PLAG1: variants seen among roughly 807,000 people sequenced by gnomAD.
PLAG1 encodes PLAG1 zinc finger.
Under a neutral mutation model 35.5 loss-of-function variants are expected in PLAG1, and 7 were observed. That is an observed-to-expected ratio of 0.20 (90% CI 0.11 to 0.37). The LOEUF (loss-of-function observed/expected upper bound fraction) is 0.37. Among genes scored for constraint, PLAG1 ranks in the 10% least tolerant of loss-of-function variants. The probability of loss-of-function intolerance (pLI) is 1.00; values close to 1 mark genes in which losing one functional copy is unlikely to be tolerated. For missense variants in PLAG1, 454 were observed against 602.8 expected, an observed-to-expected ratio of 0.75 and a Z score of 2.58; for synonymous variants, 229 against 225.4, an observed-to-expected ratio of 1.02 and a Z score of -0.14.
intron 1 of PLAG1, among the ~76,000 whole-genome samples, chr8:56,207,878 C>CT: frequency 6.6e-6 from 1 of 152,168 alleles, no homozygotes; most frequent in East Asian, 1.9e-4. Context: ...TTGGTGCACT[C>CT]TGAGTGCGTT....
chr8:56,177,076 A>T (rs1418289121), intron 2 of PLAG1, among the ~76,000 whole-genome samples: 1 of 152,090 alleles, frequency 6.6e-6, no homozygotes, highest in Non-Finnish European at 1.5e-5. Context: ...CTATAAATAT[A>T]AGTTGTACTT....
At chr8:56,210,645 G>A (rs966778558) in intron 1 of PLAG1, among the ~76,000 whole-genome samples, 44 of 152,250 alleles carry the variant, frequency 2.9e-4, no homozygotes, top group Admixed American at 9.8e-4. Context: ...TGTTTTGGTG[G>A]AAAATGCGGA....
At chr8:56,184,268 A>G (rs1264879930) in intron 1 of PLAG1, among the ~76,000 whole-genome samples, 1 of 152,208 alleles carries the variant, frequency 6.6e-6, no homozygotes, top group Non-Finnish European at 1.5e-5. Context: ...GCAAATTAAT[A>G]CCACAGTGAG....
intron 2 of PLAG1, among the ~76,000 whole-genome samples, chr8:56,176,048 T>TTC (rs1554534200): frequency 2.7e-5 from 4 of 145,846 alleles, no homozygotes; most frequent in African/African-American, 7.5e-5. Context: ...TTCCTTTTCT[T>TTC]TTTTTTTTTT....
Position 56,168,401 on chromosome 8 carries a change from A to G in PLAG1, c.-117-15T>C. 7 of 1,230,920 alleles carry G rather than the reference A, an allele frequency of 5.7e-6. No homozygotes were observed. Among genetic ancestry groups the G allele is most frequent in the Non-Finnish European group, 7.5e-6 (7 of 934,954 alleles). 76.2% of individuals were successfully genotyped at this position (1,230,920 alleles called of 1,614,324 possible). Reference sequence around the variant, plus strand: ...GCAAAAAGGGACTGGAAAAAAAAATAAGAAACAACTAGTTTGTAACTAAAC... The same window carrying G: ...GCAAAAAGGGACTGGAAAAAAAAATGAGAAACAACTAGTTTGTAACTAAAC... On this transcript the variant is annotated splice_polypyrimidine_tract_variant and intron_variant, in intron 3 of 4. Transcript: ENST00000316981.
At chr8:56,205,409 TAAG>T (rs1812668824) in intron 1 of PLAG1, among the ~76,000 whole-genome samples, 1 of 151,886 alleles carries the variant, frequency 6.6e-6, no homozygotes, top group South Asian at 2.1e-4. Context: ...AATTCAAATC[TAAG>T]AAGAGAAGGA....
chr8:56,175,446 A>C (rs1811656354), intron 2 of PLAG1, among the ~76,000 whole-genome samples: 1 of 152,182 alleles, frequency 6.6e-6, no homozygotes, highest in Non-Finnish European at 1.5e-5. Context: ...ACATGCACCT[A>C]ACTCGCCTGA....
chr8:56,192,473 T>C (rs564692151), intron 1 of PLAG1, among the ~76,000 whole-genome samples: 3 of 152,314 alleles, frequency 2.0e-5, no homozygotes, highest in African/African-American at 7.2e-5. Flanking sequence ...TACAAGTACA[T>C]GGGAAACAAT....
At chr8:56,176,635 AAT>A (rs565428921) in intron 2 of PLAG1, among the ~76,000 whole-genome samples, 137 of 152,088 alleles carry the variant, frequency 9.0e-4, no homozygotes, top group Non-Finnish European at 1.3e-3. Flanking sequence ...CTGCTTAATC[AAT>A]ACTCTATTTT....
At chr8:56,200,175 G>C (rs2129233985) in intron 1 of PLAG1, among the ~76,000 whole-genome samples, 1 of 152,290 alleles carries the variant, frequency 6.6e-6, no homozygotes, top group Non-Finnish European at 1.5e-5. Flanking sequence ...CGCCATTCTT[G>C]GCTCTACAGC....
rs1216825539 is a variant in PLAG1, at chr8:56,162,749, C to T, written c.*3494G>A. On this transcript the variant is annotated 3_prime_UTR_variant, in exon 5 of 5. Transcript: ENST00000316981. ...TGTACTCTTTAACATTCATTATTAG[C>T]TTAATAAAGCAATCGGCTCTGGCTC... The T allele has an allele frequency of 1.4e-5, 3 of 207,948 alleles. No individual in the cohort carries two copies. Among genetic ancestry groups the T allele is most frequent in the African/African-American group, 6.8e-5 (3 of 43,892 alleles). The allele number at this position is 207,948 out of a possible 1,614,324, so 12.9% of individuals were successfully genotyped here. A position where few individuals can be genotyped will look rare whatever the true frequency, so the allele number is the denominator to read the frequency against.
At chr8:56,197,672 C>T (rs1301898702) in intron 1 of PLAG1, among the ~76,000 whole-genome samples, 1 of 152,220 alleles carries the variant, frequency 6.6e-6, no homozygotes, top group Non-Finnish European at 1.5e-5. Flanking sequence ...GTTTCTCTGT[C>T]TGGGATTGTG....
rs376010273 is a variant in PLAG1 at position 56,195,325 on chromosome 8, G to A, written c.-322+15796C>T. 3.9e-5 allele frequency among the ~76,000 whole-genome samples: 6 copies of A among 152,134 alleles called. 1 individual carries two copies. The highest frequency in any genetic ancestry group is 1.2e-4 in the African/African-American group (5 of 41,488). On this transcript the variant is annotated intron_variant, in intron 1 of 4. Coordinates refer to ENST00000316981, the MANE Select transcript of PLAG1 (RefSeq NM_002655.3). ...GGAATCAAGACAATACCCATGTTAG[G>A]GAGCCATTACCAGGATAAATGGCAT...
intron 1 of PLAG1, among the ~76,000 whole-genome samples, chr8:56,190,762 A>G (rs1338216663): frequency 2.0e-5 from 3 of 152,198 alleles, no homozygotes; most frequent in Admixed American, 2.0e-4. Flanking sequence ...TACCCAGGGC[A>G]TAAGAAGAGA....
Position 56,167,533 on chromosome 8 carries a change from T to G in PLAG1, c.243-30A>C, listed in dbSNP as rs1448799082. 7.0e-7 allele frequency: 1 copy of G among 1,438,736 alleles called. No individual in the cohort carries two copies. The allele number at this position is 1,438,736 out of a possible 1,614,324, so 89.1% of individuals were successfully genotyped here. Reference sequence around the variant, plus strand: ...AAACACAGATATAATCTATAAGTAGTTATTATGACAAAAATGGCATGTATT... The same window carrying G: ...AAACACAGATATAATCTATAAGTAGGTATTATGACAAAAATGGCATGTATT... On this transcript the variant is annotated intron_variant, in intron 4 of 4. Transcript: ENST00000316981. This position sits in a 1 kb window ranked among gnomAD's most constrained non-coding sequence, Gnocchi z 5.9.
Position 56,167,360 on chromosome 8 carries a change from T to C in PLAG1, c.386A>G (p.Asn129Ser). 6.2e-7 allele frequency: 1 copy of C among 1,614,078 alleles called. No individual in the cohort carries two copies. Among genetic ancestry groups the C allele is most frequent in the South Asian group, 1.1e-5 (1 of 91,088 alleles). Reference sequence around the variant, plus strand: ...TTTAAATCCAAGCTTGGTATTGTAGTTCTTGCCACATTCTTCGCACTTAAA... The same window carrying C: ...TTTAAATCCAAGCTTGGTATTGTAGCTCTTGCCACATTCTTCGCACTTAAA... ...ETFKCEECGK[N>S]YNTKLGFKRH... The change falls in exon 5 of 5, where the codon AAC becomes AGC. Residue 129 changes from asparagine to serine, a missense_variant. Around this residue, in one of 4 missense-constraint regions of PLAG1, gnomAD observed 170 missense variants for 226.3 expected, o/e 0.75. Transcript: ENST00000316981. This position sits in a 1 kb window ranked among gnomAD's most constrained non-coding sequence, Gnocchi z 5.9.
At chr8:56,169,120 T>C (rs181612464) in intron 3 of PLAG1, among the ~76,000 whole-genome samples, 1 of 152,316 alleles carries the variant, frequency 6.6e-6, no homozygotes, top group Non-Finnish European at 1.5e-5. Flanking sequence ...GTTAATGTAA[T>C]TTTCCTCATC....
At position 56,166,988 on chromosome 8, in the gene PLAG1, G is replaced by T. The variant is rs776064725; in HGVS notation, c.758C>A (p.Pro253Gln). Residue 253 changes from proline (P) to glutamine (Q), a missense_variant, in exon 5 of 5, where the codon CCA becomes CAA. By Grantham distance (76) the Pro-to-Gln change is moderately conservative. This residue lies in a region of PLAG1 where 271 missense variants were observed against 315.6 expected (regional missense o/e 0.86). Coordinates refer to ENST00000316981, the MANE Select transcript of PLAG1 (RefSeq NM_002655.3). ...VKTEPVDFLD[P>Q]FTCNVSVPIK... ...AGGCACAGACACATTGCAGGTAAAT[G>T]GGTCAAGGAAATCCACTGGTTCTGT... The T allele has an allele frequency of 1.2e-6, 2 of 1,614,090 alleles. No homozygotes were observed. The highest frequency in any genetic ancestry group is 1.7e-6 in the Non-Finnish European group (2 of 1,179,988).
At chr8:56,200,304 A>C (rs753179209) in intron 1 of PLAG1, among the ~76,000 whole-genome samples, 2 of 152,206 alleles carry the variant, frequency 1.3e-5, no homozygotes, top group Non-Finnish European at 2.9e-5. Context: ...CTGAATATAG[A>C]AAAAGGTGGT....
Sources: gnomAD v4.1 joint callset for allele counts (sites outside exome capture counted in the v4.1 genomes callset) on GRCh38, gnomAD v4.1.1 for gene constraint, gnomAD v4.1.1 regional missense constraint, Gnocchi (gnomAD v3.1) non-coding constraint, MANE v1.5 for transcripts, NCBI Gene and HGNC (gene_info 2026-07-23, HGNC 2026-07-21) for gene names.